The following GABRB1 variants were observed in gnomAD, a reference collection of about 807,000 sequenced individuals.
The protein encoded by GABRB1 is gamma-aminobutyric acid type A receptor subunit beta1, also known as gamma-aminobutyric acid receptor subunit beta-1.
In GABRB1, 17 loss-of-function variants were observed where a neutral mutation model predicts 51.6. The ratio of observed to expected loss-of-function variants is 0.33; its 90% CI spans 0.23 to 0.49. The LOEUF (loss-of-function observed/expected upper bound fraction) is 0.49, where lower values mean the gene tolerates loss of function less well. GABRB1 is among the 20% of genes least tolerant of loss of function. GABRB1 has a pLI of 0.99. For missense variants in GABRB1, 410 were observed against 600.6 expected, an observed-to-expected ratio of 0.68 and a Z score of 3.32; for synonymous variants, 247 against 218.9, an observed-to-expected ratio of 1.13 and a Z score of -1.14.
At chr4:47,113,990 G>A (rs1276564091) in intron 3 of GABRB1, among the ~76,000 whole-genome samples, 10 of 152,114 alleles carry the variant, frequency 6.6e-5, no homozygotes, top group Admixed American at 5.9e-4. Context: ...ACAGCCTTAC[G>A]GCAATTTAAG....
At chr4:47,011,395 G>T (rs1724578200) in intron 1 of GABRB1, among the ~76,000 whole-genome samples, 1 of 152,014 alleles carries the variant, frequency 6.6e-6, no homozygotes, top group African/African-American at 2.4e-5. Context: ...CAGCAAGAAG[G>T]ATGTGAGCTG....
chr4:47,269,615 TTTCTC>T (rs1337501732), intron 4 of GABRB1, among the ~76,000 whole-genome samples: 1 of 152,034 alleles, frequency 6.6e-6, no homozygotes, highest in Non-Finnish European at 1.5e-5. Flanking sequence ...TCCTGGTCCT[TTTCTC>T]TTATATTCTT....
intron 4 of GABRB1, among the ~76,000 whole-genome samples, chr4:47,254,028 G>A (rs1722086391): frequency 6.6e-6 from 1 of 152,076 alleles, no homozygotes; most frequent in African/African-American, 2.4e-5. Context: ...TGACAATATG[G>A]GCATTGTACT....
chr4:47,186,393 T>G (rs1293502392), intron 4 of GABRB1, among the ~76,000 whole-genome samples: 2 of 151,798 alleles, frequency 1.3e-5, no homozygotes, highest in East Asian at 3.9e-4. Context: ...AATTTTTAGT[T>G]TGGCTAAAAT....
intron 4 of GABRB1, among the ~76,000 whole-genome samples, chr4:47,312,221 A>C (rs1724718549): frequency 6.6e-6 from 1 of 152,088 alleles, no homozygotes; most frequent in African/African-American, 2.4e-5. Flanking sequence ...TTGCTTCCTC[A>C]CACCTAAATT....
chr4:47,043,890 T>C (rs1014611100), intron 3 of GABRB1, among the ~76,000 whole-genome samples: 2 of 152,134 alleles, frequency 1.3e-5, no homozygotes, highest in Non-Finnish European at 2.9e-5. Context: ...TCAGGTACTC[T>C]TTTTATATCA....
At chr4:47,150,363 C>G (rs1041290082) in intron 3 of GABRB1, among the ~76,000 whole-genome samples, 1 of 94,576 alleles carries the variant, frequency 1.1e-5, no homozygotes, top group Admixed American at 1.4e-4. Context: ...CACACACACA[C>G]GCACATACAC....
At chr4:47,169,921 T>C (rs1718368443) in intron 4 of GABRB1, among the ~76,000 whole-genome samples, 1 of 152,124 alleles carries the variant, frequency 6.6e-6, no homozygotes, top group Admixed American at 6.6e-5. Context: ...TGTATGGTGA[T>C]TTCACTGCTC....
intron 3 of GABRB1, among the ~76,000 whole-genome samples, chr4:47,078,847 A>G (rs1026956472): frequency 1.3e-5 from 2 of 152,026 alleles, no homozygotes; most frequent in African/African-American, 4.8e-5. Flanking sequence ...TTTCCATCCT[A>G]AGTCTCCAGA....
At chr4:47,213,170 G>A (rs1005529810) in intron 4 of GABRB1, among the ~76,000 whole-genome samples, 2 of 152,054 alleles carry the variant, frequency 1.3e-5, no homozygotes, top group Non-Finnish European at 2.9e-5. Context: ...TTCCTGCATA[G>A]CCTCTCCATA....
intron 1 of GABRB1, among the ~76,000 whole-genome samples, chr4:47,014,321 T>C (rs1475227620): frequency 6.6e-6 from 1 of 152,212 alleles, no homozygotes; most frequent in Non-Finnish European, 1.5e-5. Context: ...TAGCTATTCT[T>C]TGCCCTGGGT....
chr4:47,160,166 G>A (rs1717875642), intron 3 of GABRB1, among the ~76,000 whole-genome samples: 1 of 152,026 alleles, frequency 6.6e-6, no homozygotes, highest in South Asian at 2.1e-4. Context: ...TAACTGCCAG[G>A]GGAAACCTAA....
At chr4:47,355,774 C>T (rs999380907) in intron 5 of GABRB1, among the ~76,000 whole-genome samples, 2 of 152,168 alleles carry the variant, frequency 1.3e-5, no homozygotes, top group East Asian at 1.9e-4. Flanking sequence ...CTGCTATACA[C>T]TTAAATTGAT....
chr4:47,409,720 T>C (rs1412674601), intron 8 of GABRB1, among the ~76,000 whole-genome samples: 1 of 152,232 alleles, frequency 6.6e-6, no homozygotes, highest in African/African-American at 2.4e-5. Flanking sequence ...TTCTTTCCAG[T>C]ATTTTCCTGT....
At chr4:47,318,044 A>G (rs1724952028) in intron 4 of GABRB1, among the ~76,000 whole-genome samples, 2 of 152,030 alleles carry the variant, frequency 1.3e-5, no homozygotes, top group Non-Finnish European at 2.9e-5. Context: ...CAGTAAAGCT[A>G]TTAAAATATT....
At chr4:47,154,635 G>A (rs1717611520) in intron 3 of GABRB1, among the ~76,000 whole-genome samples, 1 of 151,928 alleles carries the variant, frequency 6.6e-6, no homozygotes, top group Non-Finnish European at 1.5e-5. Context: ...TTTTCTGGTT[G>A]GAGGCAATAA....
intron 3 of GABRB1, among the ~76,000 whole-genome samples, chr4:47,127,009 C>T (rs1469864099): frequency 6.6e-6 from 1 of 151,750 alleles, no homozygotes; most frequent in African/African-American, 2.4e-5. Flanking sequence ...GGTGGTTAGC[C>T]TCTGCTTTCA....
intron 4 of GABRB1, among the ~76,000 whole-genome samples, chr4:47,270,608 C>A (rs1428512783): frequency 1.3e-5 from 2 of 152,188 alleles, no homozygotes; most frequent in Non-Finnish European, 2.9e-5. Context: ...AAGCTAGGAT[C>A]ATGCCTTCTT....
At chr4:47,081,669 T>C (rs140589226) in intron 3 of GABRB1, among the ~76,000 whole-genome samples, 1 of 152,128 alleles carries the variant, frequency 6.6e-6, no homozygotes. Context: ...TATGTTTTTA[T>C]GTTTTAGAGA....
Sources: allele counts gnomAD v4.1 joint callset (sites outside exome capture counted in the v4.1 genomes callset), GRCh38; gene constraint gnomAD v4.1.1; transcripts MANE v1.5; gene names NCBI Gene and HGNC (gene_info 2026-07-23, HGNC 2026-07-21).